Variants in SPMIP10 observed in about 807,000 individuals in gnomAD.
SPMIP10 encodes the protein sperm microtubule inner protein 10.
the SPMIP10 span, chr5:126,631,817 ATAAG>A: frequency 3.1e-6 from 5 of 1,594,808 alleles, no homozygotes; most frequent in South Asian, 5.6e-5. Context: ...AAATCTGCTA[ATAAG>A]TAAGGATTTA....
chr5:126,631,889 G>T, the SPMIP10 span: 1 of 941,134 alleles, frequency 1.1e-6, no homozygotes, highest in Non-Finnish European at 1.7e-6. Flanking sequence ...CAAAGATACG[G>T]TCAATAACTT....
At chr5:126,632,710 G>A in the SPMIP10 span, 5,940 of 1,036,026 alleles carry the variant, frequency 5.7e-3, 30 homozygotes, top group Non-Finnish European at 7.5e-3. Flanking sequence ...ACATTAAGCC[G>A]GATGCGGTGA....
At chr5:126,631,901 G>A in the SPMIP10 span, 12 of 862,698 alleles carry the variant, frequency 1.4e-5, no homozygotes, top group Admixed American at 7.9e-5. Flanking sequence ...CAATAACTTT[G>A]TGTTCCCCTT....
chr5:126,632,631 A>G, the SPMIP10 span: 1 of 1,601,328 alleles, frequency 6.2e-7, no homozygotes, highest in East Asian at 2.2e-5. Context: ...AGAAAACATG[A>G]TATTCAGGAA....
At chr5:126,632,683 AAAAAAC>A in the SPMIP10 span, 15 of 1,360,406 alleles carry the variant, frequency 1.1e-5, no homozygotes, top group Admixed American at 2.2e-4. Flanking sequence ...ACATAAGGAA[AAAAAAC>A]AAAAACAAAA....
At chr5:126,632,178 C>T in the SPMIP10 span, among the ~76,000 whole-genome samples, 1 of 141,514 alleles carries the variant, frequency 7.1e-6, no homozygotes, top group Non-Finnish European at 1.5e-5. Context: ...GTGGGTGGTT[C>T]ACTTGAGGTC....
At chr5:126,635,970 T>C in the SPMIP10 span, 1 of 1,415,104 alleles carries the variant, frequency 7.1e-7, no homozygotes. Flanking sequence ...TGAAACTTCC[T>C]TCTTAATCTA....
the SPMIP10 span, chr5:126,632,704 T>C: frequency 9.1e-7 from 1 of 1,096,886 alleles, no homozygotes. Flanking sequence ...ACAAAAACAT[T>C]AAGCCGGATG....
the SPMIP10 span, chr5:126,632,753 C>T: frequency 6.3e-5 from 44 of 695,692 alleles, 1 homozygote; most frequent in South Asian, 4.9e-4. Flanking sequence ...TTTGGGAGAC[C>T]GAGGCGGGTG....
the SPMIP10 span, among the ~76,000 whole-genome samples, chr5:126,633,066 A>G: frequency 1.4e-5 from 2 of 144,868 alleles, no homozygotes; most frequent in African/African-American, 2.7e-5. Context: ...GTGTGTAACT[A>G]TACAAAAACT....
chr5:126,635,958 G>A, the SPMIP10 span: 4 of 1,304,648 alleles, frequency 3.1e-6, no homozygotes, highest in Non-Finnish European at 4.4e-6. Context: ...CATGGCTCCT[G>A]ATGAAACTTC....
chr5:126,632,673 A>G, the SPMIP10 span: 1 of 1,436,876 alleles, frequency 7.0e-7, no homozygotes, highest in African/African-American at 1.4e-5. Flanking sequence ...CCATAAGCAC[A>G]CATAAGGAAA....
At chr5:126,632,695 CA>C in the SPMIP10 span, 1,801 of 1,223,090 alleles carry the variant, frequency 1.5e-3, 21 homozygotes, top group African/African-American at 0.025. Context: ...AAAACAAAAA[CA>C]AAAACATTAA....
chr5:126,631,832 T>C, the SPMIP10 span: 2 of 1,563,796 alleles, frequency 1.3e-6, no homozygotes, highest in East Asian at 2.2e-5. Context: ...TAAGGATTTA[T>C]GGGATTCTGG....
At chr5:126,633,993 T>C in the SPMIP10 span, among the ~76,000 whole-genome samples, 3 of 152,130 alleles carry the variant, frequency 2.0e-5, no homozygotes, top group Admixed American at 1.3e-4. Flanking sequence ...GGAAAACTAC[T>C]ATAGGTAAAA....
the SPMIP10 span, among the ~76,000 whole-genome samples, chr5:126,633,097 A>C: frequency 6.7e-6 from 1 of 150,254 alleles, no homozygotes; most frequent in South Asian, 2.1e-4. Flanking sequence ...ACTGTCACAA[A>C]CTTGCAAACA....
chr5:126,636,197 C>G, the SPMIP10 span: 3 of 1,614,052 alleles, frequency 1.9e-6, no homozygotes, highest in Admixed American at 1.7e-5. Context: ...CTCCAGATAC[C>G]AAAGCACTGT....
chr5:126,635,676 A>G, the SPMIP10 span, among the ~76,000 whole-genome samples: 1 of 152,128 alleles, frequency 6.6e-6, no homozygotes, highest in Non-Finnish European at 1.5e-5. Flanking sequence ...CTATTGGGAA[A>G]CTTCCATCAT....
At chr5:126,632,786 G>A in the SPMIP10 span, 24 of 576,670 alleles carry the variant, frequency 4.2e-5, no homozygotes, top group South Asian at 3.0e-4. Flanking sequence ...TCAGGAGTTC[G>A]AGACCAGCCT....
Sources: allele counts gnomAD v4.1 joint callset (sites outside exome capture counted in the v4.1 genomes callset), GRCh38; gene constraint gnomAD v4.1.1; transcripts MANE v1.5; gene names NCBI Gene and HGNC (gene_info 2026-07-23, HGNC 2026-07-21).